Variants in AKAP6 observed in about 807,000 individuals in gnomAD.
AKAP6 encodes the protein A-kinase anchor protein 6.
In AKAP6, 58 loss-of-function variants were observed where a neutral mutation model predicts 188.5. That is an observed-to-expected ratio of 0.31 (90% CI 0.25 to 0.38). The LOEUF is 0.38. AKAP6 is among the 10% of genes least tolerant of loss of function. AKAP6 has a pLI of 1.00. For synonymous variants in AKAP6, 989 were observed against 998.6 expected (o/e 0.99, Z 0.18); for missense variants, 2,710 against 2,740.0 (o/e 0.99, Z 0.24).
chr14:32,803,696 T>C (rs2034014954), intron 12 of AKAP6, among the ~76,000 whole-genome samples: 1 of 152,236 alleles, frequency 6.6e-6, no homozygotes, highest in Admixed American at 6.5e-5. Flanking sequence ...CATTCTCTTC[T>C]TTCGCTCTAG....
In AKAP6 at chr14:32,836,708, A is replaced by G. The variant is rs1327760517; in HGVS notation, c.*6903A>G. On this transcript the variant is annotated 3_prime_UTR_variant, in exon 14 of 14. Transcript: ENST00000280979. ...TTATGGGTTACAAACCCCTTGTGAC[A>G]CCATATTTAAGAGCCACTGCTATTG... 6.6e-6 allele frequency: 1 copy of G among 152,142 alleles called. No homozygotes were observed. Among genetic ancestry groups the G allele is most frequent in the Non-Finnish European group, 1.5e-5 (1 of 68,038 alleles). The allele number at this position is 152,142 out of a possible 1,614,324, so 9.4% of individuals were successfully genotyped here.
chr14:32,438,385 GAC>G (rs1219816577), intron 2 of AKAP6, among the ~76,000 whole-genome samples: 1 of 152,142 alleles, frequency 6.6e-6, no homozygotes, highest in Non-Finnish European at 1.5e-5. Flanking sequence ...TAAACCCAGA[GAC>G]ACTCTTTTTC....
intron 8 of AKAP6, among the ~76,000 whole-genome samples, chr14:32,684,858 CAGACAGTAGTATG>C (rs1409831445): frequency 6.6e-6 from 1 of 151,890 alleles, no homozygotes; most frequent in Non-Finnish European, 1.5e-5. Flanking sequence ...TACTGTGTTG[CAGACAGTAGTATG>C]AGATGCTAGC....
At chr14:32,608,665 A>G (rs1451054852) in intron 7 of AKAP6, among the ~76,000 whole-genome samples, 2 of 152,164 alleles carry the variant, frequency 1.3e-5, no homozygotes, top group Non-Finnish European at 2.9e-5. Context: ...TAGGTAGCTT[A>G]CTTTTTTCCT....
At position 32,385,768 on chromosome 14, in the gene AKAP6, A is replaced by C. The variant is rs1888512883; in HGVS notation, c.-34-47692A>C. Among the ~76,000 whole-genome samples the C allele has an allele frequency of 5.3e-5, 8 of 151,222 alleles. No individual in the cohort carries two copies. In the Admixed American group the frequency reaches 5.3e-4, roughly 10 times the overall value. ...TCCTTTTTATGGCTGAGTAGTATTC[A>C]TCATATATATATGAGATATATGTAT... On this transcript the variant is annotated intron_variant, in intron 1 of 13. Transcript: ENST00000280979.
intron 7 of AKAP6, among the ~76,000 whole-genome samples, chr14:32,673,453 A>G (rs10146534): frequency 0.37 from 56,150 of 152,050 alleles, 13,883 homozygotes; most frequent in African/African-American, 0.69. Context: ...GGATGAATGC[A>G]GCTGGGTGTG....
At chr14:32,597,484 C>T (rs545853398) in intron 5 of AKAP6, among the ~76,000 whole-genome samples, 11 of 152,176 alleles carry the variant, frequency 7.2e-5, no homozygotes, top group East Asian at 5.8e-4. Context: ...TGAGGATGTC[C>T]GTGGCAGTGG....
At chr14:32,374,601 T>C (rs1888104319) in intron 1 of AKAP6, among the ~76,000 whole-genome samples, 2 of 152,170 alleles carry the variant, frequency 1.3e-5, no homozygotes, top group Admixed American at 6.5e-5. Flanking sequence ...GATGCTACCC[T>C]GTAGACAACC....
chr14:32,701,927 A>G (rs1890635839), intron 9 of AKAP6, among the ~76,000 whole-genome samples: 1 of 152,162 alleles, frequency 6.6e-6, no homozygotes. Context: ...AAAAATTCAC[A>G]TGGTGGTGTA....
chr14:32,583,930 G>A (rs375598706), intron 5 of AKAP6, among the ~76,000 whole-genome samples: 13 of 152,184 alleles, frequency 8.5e-5, no homozygotes, highest in African/African-American at 2.2e-4. Context: ...CACGATTCCC[G>A]AGGGAGGCAA....
At chr14:32,743,619 G>C (rs973889896) in intron 11 of AKAP6, among the ~76,000 whole-genome samples, 6 of 152,022 alleles carry the variant, frequency 3.9e-5, no homozygotes, top group African/African-American at 1.4e-4. Context: ...CAACAATACT[G>C]TTTGCATAAA....
intron 1 of AKAP6, among the ~76,000 whole-genome samples, chr14:32,346,611 C>A (rs1395388467): frequency 2.6e-5 from 4 of 152,204 alleles, no homozygotes; most frequent in South Asian, 2.1e-4. Context: ...CGGGTTCACG[C>A]CATTCTCCTG....
chr14:32,450,451 T>C (rs939660626), intron 2 of AKAP6, among the ~76,000 whole-genome samples: 3 of 152,284 alleles, frequency 2.0e-5, no homozygotes, highest in African/African-American at 4.8e-5. Context: ...ATAGGAAATA[T>C]AGCCTCACTT....
chr14:32,718,203 TGTAAGACAGAA>T, intron 9 of AKAP6: 1 of 807,298 alleles, frequency 1.2e-6, no homozygotes. Flanking sequence ...ATTTTTTATC[TGTAAGACAGAA>T]GTAATATTAC....
chr14:32,722,382 T>G (rs1373708841), intron 9 of AKAP6, among the ~76,000 whole-genome samples: 1 of 152,188 alleles, frequency 6.6e-6, no homozygotes, highest in Non-Finnish European at 1.5e-5. Context: ...AAAATCATGT[T>G]TCCTTTCAAT....
intron 2 of AKAP6, among the ~76,000 whole-genome samples, chr14:32,456,383 A>G (rs1293675328): frequency 1.3e-5 from 2 of 152,232 alleles, no homozygotes; most frequent in African/African-American, 2.4e-5. Flanking sequence ...TTTGACTTCA[A>G]AAAAACCAAA....
At chr14:32,685,409 AT>A (rs1181856496) in intron 8 of AKAP6, among the ~76,000 whole-genome samples, 1 of 152,034 alleles carries the variant, frequency 6.6e-6, no homozygotes, top group Non-Finnish European at 1.5e-5. Context: ...GTCTTAAAGG[AT>A]GCATAGATTT....
chr14:32,733,140 A>T (rs1253627229), intron 10 of AKAP6: 4 of 155,542 alleles, frequency 2.6e-5, no homozygotes, highest in African/African-American at 9.6e-5. Context: ...GCTCACTTTT[A>T]ACAAAAGCCA....
chr14:32,495,615 A>G (rs1880273157), intron 2 of AKAP6, among the ~76,000 whole-genome samples: 1 of 152,170 alleles, frequency 6.6e-6, no homozygotes, highest in African/African-American at 2.4e-5. Context: ...CTAGGACATA[A>G]GGGAGGCTGA....
Sources: gnomAD v4.1 joint callset for allele counts (sites outside exome capture counted in the v4.1 genomes callset) on GRCh38, gnomAD v4.1.1 for gene constraint, MANE v1.5 for transcripts, NCBI Gene and HGNC (gene_info 2026-07-23, HGNC 2026-07-21) for gene names.